CSMD1: variants seen among roughly 807,000 people sequenced by gnomAD.
The protein encoded by CSMD1 is CUB and sushi domain-containing protein 1.
CSMD1 carries 213 observed loss-of-function variants against 417.5 expected under a neutral mutation model. The observed-to-expected ratio is 0.51, with a 90% confidence interval of 0.46 to 0.57. The LOEUF (loss-of-function observed/expected upper bound fraction) is 0.57, where lower values mean the gene tolerates loss of function less well. Among genes scored for constraint, CSMD1 ranks in the 20% least tolerant of loss-of-function variants. The pLI, the probability that CSMD1 is intolerant of heterozygous loss-of-function variation, is 0.00. For missense variants in CSMD1, 6,923 were observed against 4,529.7 expected (o/e 1.53, Z -15.17); for synonymous variants, 2,862 against 1,736.8 (o/e 1.65, Z -16.11).
intron 3 of CSMD1, among the ~76,000 whole-genome samples, chr8:4,184,301 G>C (rs1358920278): frequency 6.6e-6 from 1 of 152,098 alleles, no homozygotes; most frequent in Non-Finnish European, 1.5e-5. Context: ...GGAATTAATG[G>C]CTGAGGCTAA....
At chr8:4,410,260 C>A (rs1796576115) in intron 3 of CSMD1, among the ~76,000 whole-genome samples, 1 of 152,180 alleles carries the variant, frequency 6.6e-6, no homozygotes. Context: ...AAGGTAGGTA[C>A]CATTTATTTT....
intron 2 of CSMD1, among the ~76,000 whole-genome samples, chr8:4,532,398 C>T (rs921563441): frequency 6.6e-6 from 1 of 151,192 alleles, no homozygotes; most frequent in African/African-American, 2.4e-5. Flanking sequence ...CCTGCACCCC[C>T]ATTCAGTCAC....
intron 3 of CSMD1, among the ~76,000 whole-genome samples, chr8:4,302,898 A>G (rs984157031): frequency 6.6e-6 from 1 of 152,100 alleles, no homozygotes; most frequent in Non-Finnish European, 1.5e-5. Flanking sequence ...GCTGATTCAT[A>G]TTAACTCAAA....
intron 7 of CSMD1, among the ~76,000 whole-genome samples, chr8:3,684,311 A>G (rs945486393): frequency 6.9e-6 from 1 of 145,620 alleles, no homozygotes; most frequent in Non-Finnish European, 1.5e-5. Context: ...TATATTATAT[A>G]AAATATATAG....
rs1011724493 is a variant in CSMD1, at chr8:4,461,075, A to G, written c.303-41010T>C. On this transcript the variant is annotated intron_variant, in intron 2 of 69. Coordinates refer to ENST00000635120, the MANE Select transcript of CSMD1 (RefSeq NM_033225.6). ...GCATTATATACTGTGTCCAAGTGCT[A>G]TTTATCTCAGGAATGCAAGATAGGC... Among the ~76,000 whole-genome samples, 17 of 152,268 alleles carry G rather than the reference A, an allele frequency of 1.1e-4. No individual in the cohort carries two copies. The Middle Eastern group carries it at 0.017, about 152-fold the overall frequency.
intron 5 of CSMD1, among the ~76,000 whole-genome samples, chr8:3,878,310 T>A (rs1033223086): frequency 6.6e-6 from 1 of 152,188 alleles, no homozygotes; most frequent in Non-Finnish European, 1.5e-5. Flanking sequence ...CAGTGTATAA[T>A]ATTCTCTACA....
chr8:4,178,792 C>T (rs1005574879), intron 3 of CSMD1, among the ~76,000 whole-genome samples: 1 of 152,132 alleles, frequency 6.6e-6, no homozygotes, highest in East Asian at 1.9e-4. Flanking sequence ...CAACAAAAGA[C>T]AAACAGCCAA....
intron 1 of CSMD1, among the ~76,000 whole-genome samples, chr8:4,657,784 C>G (rs1804337991): frequency 6.7e-6 from 1 of 148,658 alleles, no homozygotes; most frequent in South Asian, 2.1e-4. Context: ...AAGACTTAAA[C>G]CTACTGTTTA....
At chr8:2,996,259 T>C (rs1405105699) in intron 54 of CSMD1, among the ~76,000 whole-genome samples, 1 of 152,184 alleles carries the variant, frequency 6.6e-6, no homozygotes, top group Admixed American at 6.5e-5. Flanking sequence ...ACATATTCCA[T>C]ATAAACACGT....
intron 12 of CSMD1, among the ~76,000 whole-genome samples, chr8:3,410,900 CA>C (rs1812658877): frequency 6.6e-6 from 1 of 151,886 alleles, no homozygotes; most frequent in African/African-American, 2.4e-5. Context: ...TAATTTAACA[CA>C]AGATAGAGGG....
In CSMD1 at chr8:3,874,560, T is replaced by G. The variant is rs977296836; in HGVS notation, c.819-120518A>C. ...ATACAAGCAGCATCTTAGGGAGATGTTGCTGCCTCTGTGATGGAGATCTTC... is the reference window on the plus strand; with the variant it reads ...ATACAAGCAGCATCTTAGGGAGATGGTGCTGCCTCTGTGATGGAGATCTTC... On this transcript the variant is annotated intron_variant, in intron 5 of 69. Coordinates refer to ENST00000635120, the MANE Select transcript of CSMD1 (RefSeq NM_033225.6). Among the ~76,000 whole-genome samples, 4 of 152,306 alleles carry G rather than the reference T, an allele frequency of 2.6e-5. No homozygotes were observed. The East Asian group carries it at 7.7e-4, about 29-fold the overall frequency.
intron 1 of CSMD1, among the ~76,000 whole-genome samples, chr8:4,643,958 G>C (rs1261516312): frequency 6.6e-6 from 1 of 152,166 alleles, no homozygotes; most frequent in Non-Finnish European, 1.5e-5. Context: ...AGCCACTCTG[G>C]CTCAGCGCCC....
intron 12 of CSMD1, among the ~76,000 whole-genome samples, chr8:3,461,744 C>T (rs1222682220): frequency 6.6e-6 from 1 of 152,182 alleles, no homozygotes; most frequent in Non-Finnish European, 1.5e-5. Flanking sequence ...CCATTGTCCC[C>T]AATGAGACAA....
intron 1 of CSMD1, among the ~76,000 whole-genome samples, chr8:4,683,091 G>C (rs1011718548): frequency 1.3e-5 from 2 of 150,406 alleles, no homozygotes; most frequent in Admixed American, 6.6e-5. Context: ...GAAATTAAGA[G>C]AAGTTTCAAT....
chr8:3,119,494 T>C (rs1392654228), intron 41 of CSMD1, among the ~76,000 whole-genome samples: 1 of 152,058 alleles, frequency 6.6e-6, no homozygotes, highest in Non-Finnish European at 1.5e-5. Flanking sequence ...ATTCAGTCTT[T>C]ATGTTCCCTA....
At chr8:4,639,302 T>C (rs767642636) in intron 1 of CSMD1, among the ~76,000 whole-genome samples, 13 of 150,640 alleles carry the variant, frequency 8.6e-5, no homozygotes, top group Non-Finnish European at 1.5e-4. Context: ...AGTCTGCCTC[T>C]GATGGCCATG....
chr8:3,357,992 T>G lies in CSMD1; in HGVS notation c.3304+1160A>C, dbSNP rs550513509. Among the ~76,000 whole-genome samples the G allele has an allele frequency of 1.8e-4, 27 of 152,324 alleles. 1 individual carries two copies. Among genetic ancestry groups the G allele is most frequent in the Non-Finnish European group, 3.4e-4 (23 of 68,018 alleles). On this transcript the variant is annotated intron_variant, in intron 21 of 69. Transcript: ENST00000635120. ...TCTGGTTCGTTAAAATCCAGAAATA[T>G]AGCTTTATCATTTGAGTTACATAAT...
rs1585203728 is a variant in CSMD1 at position 4,526,399 on chromosome 8, T to C, written c.303-106334A>G. On this transcript the variant is annotated intron_variant, in intron 2 of 69. Transcript: ENST00000635120. ...TCCTCCTTCAACAAGAATTGCATCT[T>C]ACTTATGTATGCCCAAGGGCAAATG... Among the ~76,000 whole-genome samples the C allele has an allele frequency of 3.9e-5, 6 of 152,360 alleles. No individual in the cohort carries two copies. In the South Asian group the frequency reaches 1.2e-3, roughly 32 times the overall value.
At chr8:4,531,599 C>T (rs1222517146) in intron 2 of CSMD1, among the ~76,000 whole-genome samples, 6 of 152,030 alleles carry the variant, frequency 3.9e-5, no homozygotes, top group South Asian at 4.1e-4. Context: ...GTGTAAGATG[C>T]GAGCTTTCTG....
Sources: allele counts gnomAD v4.1 joint callset (sites outside exome capture counted in the v4.1 genomes callset), GRCh38; gene constraint gnomAD v4.1.1; transcripts MANE v1.5; gene names NCBI Gene and HGNC (gene_info 2026-07-23, HGNC 2026-07-21).